Variants in RAP1A observed in about 807,000 individuals in gnomAD.
The protein encoded by RAP1A is ras-related protein Rap-1A.
RAP1A carries 6 observed loss-of-function variants against 26.4 expected under a neutral mutation model. That is an observed-to-expected ratio of 0.23 (90% CI 0.12 to 0.45). RAP1A has a LOEUF of 0.45. Ranked by LOEUF, RAP1A falls within the 20% of genes least tolerant of loss-of-function variation. The pLI is 0.99. For missense variants in RAP1A, 121 were observed against 217.2 expected (o/e 0.56, Z 2.78); for synonymous variants, 73 against 79.4 (o/e 0.92, Z 0.43).
intron 1 of RAP1A, among the ~76,000 whole-genome samples, chr1:111,588,388 T>A (rs1465685501): frequency 6.6e-6 from 1 of 152,208 alleles, no homozygotes; most frequent in East Asian, 1.9e-4. Flanking sequence ...ACCAGAATAA[T>A]CTTTCTAAGA....
intron 1 of RAP1A, among the ~76,000 whole-genome samples, chr1:111,677,256 C>T (rs1661157346): frequency 6.6e-6 from 1 of 152,186 alleles, no homozygotes; most frequent in Admixed American, 6.5e-5. Flanking sequence ...AATTTATCTA[C>T]TCACCTCTTG....
Position 111,703,310 on chromosome 1 carries a change from A to G in RAP1A, c.184-26A>G, listed in dbSNP as rs1384663472. 7 of 1,433,464 alleles carry G rather than the reference A, an allele frequency of 4.9e-6. No individual in the cohort carries two copies. The East Asian group carries it at 1.7e-4, about 35-fold the overall frequency. 88.8% of individuals were successfully genotyped at this position (1,433,464 alleles called of 1,614,324 possible). A position where few individuals can be genotyped will look rare whatever the true frequency, so the allele number is the denominator to read the frequency against. ...ATACATTCAAGAAATTTATATATTT[A>G]TAATTGCATATTTTTTAAATCATAG... On this transcript the variant is annotated intron_variant, in intron 4 of 7. Coordinates refer to ENST00000369709, the MANE Select transcript of RAP1A (RefSeq NM_002884.4).
At chr1:111,706,605 AC>A (rs1435868069) in intron 6 of RAP1A, 16 of 597,634 alleles carry the variant, frequency 2.7e-5, no homozygotes, top group East Asian at 1.4e-4. Flanking sequence ...TGGAATCAAG[AC>A]AACCCAATTT....
At chr1:111,553,733 G>A (rs558396045) in intron 1 of RAP1A, among the ~76,000 whole-genome samples, 2 of 152,144 alleles carry the variant, frequency 1.3e-5, no homozygotes, top group East Asian at 3.9e-4. Flanking sequence ...TCTGACATTA[G>A]GCTCAAATTC....
intron 1 of RAP1A, among the ~76,000 whole-genome samples, chr1:111,560,802 T>C (rs1657708496): frequency 2.0e-5 from 3 of 152,122 alleles, no homozygotes; most frequent in Admixed American, 1.3e-4. Flanking sequence ...GGGTAAATAG[T>C]TCTTGATCGT....
At chr1:111,590,940 G>C (rs904079578) in intron 1 of RAP1A, among the ~76,000 whole-genome samples, 7 of 152,094 alleles carry the variant, frequency 4.6e-5, no homozygotes, top group Non-Finnish European at 7.4e-5. Context: ...CTATTATCTG[G>C]AATAGATCAT....
chr1:111,686,542 T>C (rs369881081), intron 1 of RAP1A: 104 of 151,458 alleles, frequency 6.9e-4, no homozygotes, highest in African/African-American at 2.3e-3. Context: ...AAAAAGAAAA[T>C]TACCCAGTTG....
rs1662429540 is a variant in RAP1A, at chr1:111,712,910, ATC to A, written c.*511_*512del. On this transcript the variant is annotated 3_prime_UTR_variant, in exon 8 of 8. Transcript: ENST00000369709. Reference sequence around the variant, plus strand: ...TATATTTAAAAAATTATGGAATATCATCTGTCATTATATTCTAATTAAAATTG... The same window carrying A: ...TATATTTAAAAAATTATGGAATATCATGTCATTATATTCTAATTAAAATTG... The A allele has an allele frequency of 6.6e-6, 1 of 152,520 alleles. No homozygotes were observed. The highest frequency in any genetic ancestry group is 2.4e-5 in the African/African-American group (1 of 41,460). 9.4% of individuals were successfully genotyped at this position (152,520 alleles called of 1,614,324 possible).
chr1:111,638,950 A>C (rs1659808597), intron 1 of RAP1A, among the ~76,000 whole-genome samples: 3 of 152,044 alleles, frequency 2.0e-5, no homozygotes. Context: ...TCCAGGCAGT[A>C]ATTCAGAACT....
intron 1 of RAP1A, among the ~76,000 whole-genome samples, chr1:111,587,135 A>G (rs1046729827): frequency 1.3e-5 from 2 of 152,054 alleles, no homozygotes; most frequent in Admixed American, 6.6e-5. Context: ...CCATCCCTGC[A>G]TATCGACTTC....
exon 1 of RAP1A, chr1:111,542,248 G>A (rs1656860194): frequency 1.6e-6 from 1 of 609,416 alleles, no homozygotes; most frequent in Non-Finnish European, 3.0e-6. Flanking sequence ...AACACTGGCG[G>A]CACATATTGA....
chr1:111,635,826 G>C (rs1044274175), intron 1 of RAP1A, among the ~76,000 whole-genome samples: 7 of 152,032 alleles, frequency 4.6e-5, no homozygotes, highest in Non-Finnish European at 7.4e-5. Context: ...CCCCACCTCA[G>C]CCTCCCAAAG....
chr1:111,586,504 G>C (rs1310572695), intron 1 of RAP1A, among the ~76,000 whole-genome samples: 2 of 152,126 alleles, frequency 1.3e-5, no homozygotes, highest in African/African-American at 4.8e-5. Flanking sequence ...GATTGCTTGA[G>C]CCCAGGAGGT....
chr1:111,582,361 T>G (rs1424172442), intron 1 of RAP1A, among the ~76,000 whole-genome samples: 1 of 152,206 alleles, frequency 6.6e-6, no homozygotes, highest in Non-Finnish European at 1.5e-5. Flanking sequence ...AATTTTAGCC[T>G]TTCCTGATGC....
chr1:111,675,074 A>T (rs1344643994), intron 1 of RAP1A, among the ~76,000 whole-genome samples: 1 of 151,990 alleles, frequency 6.6e-6, no homozygotes, highest in East Asian at 1.9e-4. Flanking sequence ...TTAATTCTTT[A>T]GTGTGTTTGC....
chr1:111,669,930 C>T (rs1172741107), intron 1 of RAP1A, among the ~76,000 whole-genome samples: 8 of 152,140 alleles, frequency 5.3e-5, no homozygotes, highest in Non-Finnish European at 1.2e-4. Context: ...TGCAATTAGG[C>T]TAGCAGCTGA....
At chr1:111,557,818 A>C (rs575923334) in intron 1 of RAP1A, among the ~76,000 whole-genome samples, 1 of 152,322 alleles carries the variant, frequency 6.6e-6, no homozygotes, top group Admixed American at 6.5e-5. Context: ...AACAAACAGA[A>C]ATGTGAACAG....
At chr1:111,587,972 A>C (rs914525881) in intron 1 of RAP1A, among the ~76,000 whole-genome samples, 3 of 152,106 alleles carry the variant, frequency 2.0e-5, no homozygotes, top group Non-Finnish European at 4.4e-5. Flanking sequence ...TCTACTTATG[A>C]GTTCTCTTTG....
At chr1:111,660,310 C>T (rs1458276932) in intron 1 of RAP1A, among the ~76,000 whole-genome samples, 1 of 152,100 alleles carries the variant, frequency 6.6e-6, no homozygotes, top group Non-Finnish European at 1.5e-5. Flanking sequence ...AGATGTTTTC[C>T]CCCCCTCTGG....
Sources: allele counts gnomAD v4.1 joint callset (sites outside exome capture counted in the v4.1 genomes callset), GRCh38; gene constraint gnomAD v4.1.1; transcripts MANE v1.5; gene names NCBI Gene and HGNC (gene_info 2026-07-23, HGNC 2026-07-21).